Variants in TMPRSS15 observed in about 807,000 individuals in gnomAD.
TMPRSS15 encodes transmembrane serine protease 15, also known as enteropeptidase.
In TMPRSS15, 128 loss-of-function variants were observed where a neutral mutation model predicts 125.3. The observed-to-expected ratio is 1.02, with a 90% confidence interval of 0.89 to 1.18. The LOEUF (loss-of-function observed/expected upper bound fraction) is 1.18. Among genes scored for constraint, TMPRSS15 ranks in the 50% most tolerant of loss-of-function variants. The pLI, the probability that TMPRSS15 is intolerant of heterozygous loss-of-function variation, is 0.00. For missense variants in TMPRSS15, 1,283 were observed against 1,212.7 expected (o/e 1.06, Z -0.86); for synonymous variants, 446 against 423.2 (o/e 1.05, Z -0.66).
At chr21:18,481,386 T>C (rs1052136393) in intron 1 of TMPRSS15, among the ~76,000 whole-genome samples, 2 of 151,826 alleles carry the variant, frequency 1.3e-5, no homozygotes, top group African/African-American at 2.4e-5. Context: ...AGAGGTGTTA[T>C]ACATAATTTG....
chr21:18,442,184 T>C (rs966715683), intron 1 of TMPRSS15, among the ~76,000 whole-genome samples: 10 of 152,210 alleles, frequency 6.6e-5, no homozygotes, highest in African/African-American at 2.4e-4. Context: ...TTACCTTGAG[T>C]CTTATTTTGA....
At chr21:18,364,160 A>G (rs1227930933) in intron 7 of TMPRSS15, among the ~76,000 whole-genome samples, 4 of 152,116 alleles carry the variant, frequency 2.6e-5, no homozygotes, top group Admixed American at 1.3e-4. Flanking sequence ...TGTCAATATA[A>G]TGTATCATAA....
intron 18 of TMPRSS15, among the ~76,000 whole-genome samples, chr21:18,306,268 C>T (rs1055856324): frequency 6.6e-6 from 1 of 152,104 alleles, no homozygotes; most frequent in Non-Finnish European, 1.5e-5. Flanking sequence ...TCTACCACCT[C>T]CTTAAACTAG....
intron 1 of TMPRSS15, among the ~76,000 whole-genome samples, chr21:18,467,335 C>T (rs1209007706): frequency 6.6e-6 from 1 of 151,918 alleles, no homozygotes; most frequent in Non-Finnish European, 1.5e-5. Flanking sequence ...CAGCAAACCA[C>T]CATGGCATGT....
At chr21:18,295,370 C>G (rs982520491) in intron 19 of TMPRSS15, among the ~76,000 whole-genome samples, 7 of 152,190 alleles carry the variant, frequency 4.6e-5, no homozygotes, top group Non-Finnish European at 1.0e-4. Flanking sequence ...ATCAGTATAA[C>G]ACAAGAAATT....
chr21:18,274,315 G>A (rs1023142273), intron 24 of TMPRSS15, among the ~76,000 whole-genome samples: 13 of 152,136 alleles, frequency 8.5e-5, no homozygotes, highest in African/African-American at 2.9e-4. Flanking sequence ...TCAAACAAGA[G>A]TAGTCTGAAC....
chr21:18,395,784 A>T (rs189869698), intron 3 of TMPRSS15, among the ~76,000 whole-genome samples: 1 of 152,324 alleles, frequency 6.6e-6, no homozygotes, highest in East Asian at 1.9e-4. Flanking sequence ...TTTCTATCAG[A>T]CTGTCAGCTG....
At chr21:18,323,693 T>C (rs1016185016) in intron 16 of TMPRSS15, among the ~76,000 whole-genome samples, 15 of 152,318 alleles carry the variant, frequency 9.8e-5, no homozygotes, top group Admixed American at 3.9e-4. Context: ...TATCTCAGTT[T>C]CTTTAAAAGT....
At chr21:18,342,623 C>T (rs2075460301) in intron 12 of TMPRSS15, among the ~76,000 whole-genome samples, 1 of 152,172 alleles carries the variant, frequency 6.6e-6, no homozygotes, top group South Asian at 2.1e-4. Context: ...TCTTTTCTCC[C>T]TGGCCTTTCC....
chr21:18,344,220 G>A (rs2075481774), intron 10 of TMPRSS15, among the ~76,000 whole-genome samples, 160 bp from the exon 11 acceptor site: 1 of 152,168 alleles, frequency 6.6e-6, no homozygotes, highest in African/African-American at 2.4e-5. Context: ...TCAGAAAGCA[G>A]TATTTTTGCC....
chr21:18,340,625 A>T (rs1300334822), intron 13 of TMPRSS15, among the ~76,000 whole-genome samples: 1 of 152,192 alleles, frequency 6.6e-6, no homozygotes, highest in Non-Finnish European at 1.5e-5. Flanking sequence ...TAGGTGATCT[A>T]TGTCTGTATG....
chr21:18,345,368 T>C lies in TMPRSS15; in HGVS notation c.1172-1308A>G, dbSNP rs529814352. ...AAGAGAGGTCCCAGAATCTACTCTT[T>C]AAATGCACAACTCCAAATCGCTTTT... On this transcript the variant is annotated intron_variant, in intron 10 of 24. Transcript: ENST00000284885. Among the ~76,000 whole-genome samples, 6 of 152,282 alleles carry C rather than the reference T, an allele frequency of 3.9e-5. No homozygotes were observed. The South Asian group carries it at 1.2e-3, about 32-fold the overall frequency.
chr21:18,320,036 AAAATGTAATTATCAATTTG>A (rs1316167379), intron 16 of TMPRSS15, among the ~76,000 whole-genome samples: 5 of 152,210 alleles, frequency 3.3e-5, no homozygotes, highest in African/African-American at 1.2e-4. Flanking sequence ...GAGGTTCTTG[AAAATGTAATTATCAATTTG>A]TTTCACAAAC....
At chr21:18,294,736 C>A (rs914115473) in intron 19 of TMPRSS15, 84 bp from the exon 20 acceptor site, 1 of 1,279,694 alleles carries the variant, frequency 7.8e-7, no homozygotes. Flanking sequence ...CCTACTTTTG[C>A]TTTAGTAAAA....
At chr21:18,354,614 A>T (rs1037791146) in intron 8 of TMPRSS15, among the ~76,000 whole-genome samples, 2 of 151,726 alleles carry the variant, frequency 1.3e-5, no homozygotes, top group Admixed American at 6.6e-5. Flanking sequence ...AACAGTTTTA[A>T]TTTTTAAATG....
At chr21:18,472,087 A>G (rs1978790373) in intron 1 of TMPRSS15, among the ~76,000 whole-genome samples, 1 of 152,136 alleles carries the variant, frequency 6.6e-6, no homozygotes, top group Non-Finnish European at 1.5e-5. Context: ...CTTTAGAAGA[A>G]GATCTCATTA....
intron 10 of TMPRSS15, among the ~76,000 whole-genome samples, chr21:18,348,145 A>G (rs1367707323): frequency 6.6e-6 from 1 of 151,706 alleles, no homozygotes; most frequent in Non-Finnish European, 1.5e-5. Context: ...TGATTATGCC[A>G]CTGTACTCCA....
chr21:18,359,891 C>T (rs765723318), intron 7 of TMPRSS15, 28 bp from the exon 8 acceptor site: 1 of 1,105,646 alleles, frequency 9.0e-7, no homozygotes. Context: ...AATAGATTAC[C>T]AAATTTTTAA....
intron 1 of TMPRSS15, among the ~76,000 whole-genome samples, chr21:18,444,926 C>G (rs1246195807): frequency 2.6e-5 from 4 of 152,122 alleles, no homozygotes; most frequent in Non-Finnish European, 4.4e-5. Context: ...TTCTGAAATT[C>G]CACATGAGTG....
Sources: gnomAD v4.1 joint callset for allele counts (sites outside exome capture counted in the v4.1 genomes callset) on GRCh38, gnomAD v4.1.1 for gene constraint, MANE v1.5 for transcripts, NCBI Gene and HGNC (gene_info 2026-07-23, HGNC 2026-07-21) for gene names.